The following TULP4 variants were observed in gnomAD, a reference collection of about 807,000 sequenced individuals.
The protein encoded by TULP4 is TUB like protein 4.
TULP4 carries 16 observed loss-of-function variants against 129.0 expected under a neutral mutation model. The observed-to-expected ratio is 0.12, with a 90% CI of 0.08 to 0.19. The LOEUF is 0.19. Among genes scored for constraint, TULP4 ranks in the 10% least tolerant of loss-of-function variants. The probability of loss-of-function intolerance (pLI) is 1.00; values close to 1 mark genes in which losing one functional copy is unlikely to be tolerated. For missense variants in TULP4, 1,842 were observed against 2,059.1 expected (o/e 0.89, Z 2.04); for synonymous variants, 998 against 854.0 (o/e 1.17, Z -2.94).
At chr6:158,393,707 A>G (rs533208842) in intron 1 of TULP4, among the ~76,000 whole-genome samples, 115 of 152,314 alleles carry the variant, frequency 7.6e-4, no homozygotes, top group Non-Finnish European at 9.6e-4. Flanking sequence ...ACAGGGTGCC[A>G]TGTCGTAAGG....
intron 8 of TULP4, among the ~76,000 whole-genome samples, chr6:158,487,911 C>T (rs1162263527): frequency 6.6e-6 from 1 of 152,240 alleles, no homozygotes; most frequent in Non-Finnish European, 1.5e-5. Context: ...AAGCAGGAGG[C>T]AGGACAGATT....
intron 1 of TULP4, among the ~76,000 whole-genome samples, chr6:158,390,146 T>TA (rs1005764622): frequency 4.9e-4 from 74 of 152,080 alleles, no homozygotes; most frequent in African/African-American, 1.8e-3. Flanking sequence ...AAAAAGTATA[T>TA]AAAATGATAT....
At chr6:158,260,561 G>A (rs1778332835) in intron 1 of TULP4, among the ~76,000 whole-genome samples, 1 of 144,954 alleles carries the variant, frequency 6.9e-6, no homozygotes, top group Non-Finnish European at 1.5e-5. Flanking sequence ...GGGCAACAGA[G>A]CGAGACTCTG....
intron 1 of TULP4, among the ~76,000 whole-genome samples, chr6:158,348,488 TA>T (rs1485413671): frequency 1.3e-5 from 2 of 152,152 alleles, no homozygotes; most frequent in African/African-American, 2.4e-5. Context: ...AGCAGGGGGT[TA>T]GGGGTAAGGT....
chr6:158,333,333 CGAA>C (rs987142409), intron 1 of TULP4, among the ~76,000 whole-genome samples: 1 of 152,092 alleles, frequency 6.6e-6, no homozygotes, highest in Non-Finnish European at 1.5e-5. Context: ...AGAGCTTGCG[CGAA>C]GAAGAGGTCA....
chr6:158,365,633 T>C (rs143500414), intron 1 of TULP4, among the ~76,000 whole-genome samples: 3,647 of 147,456 alleles, frequency 0.025, 64 homozygotes, highest in African/African-American at 0.043. Context: ...CCCGCCACCA[T>C]GCCCAGCTAA....
chr6:158,306,857 A>G (rs924822495), intron 1 of TULP4, among the ~76,000 whole-genome samples: 21 of 152,146 alleles, frequency 1.4e-4, no homozygotes, highest in African/African-American at 4.8e-4. Context: ...CTGTCTCTAC[A>G]CACAATACAA....
At chr6:158,465,353 GAAT>G (rs1202430932) in intron 6 of TULP4, among the ~76,000 whole-genome samples, 1 of 152,194 alleles carries the variant, frequency 6.6e-6, no homozygotes, top group African/African-American at 2.4e-5. Flanking sequence ...TTTTAAGGCT[GAAT>G]AATATTTTAT....
At position 158,452,282 on chromosome 6, in the gene TULP4, C is replaced by G; in HGVS notation, c.859+14C>G. On this transcript the variant is annotated intron_variant, in intron 5 of 13. Transcript: ENST00000367097. ...CAGGGCTGAAAGGTACAGAATGCTG[C>G]ACACACCCCAAACCTGCAGACCGGG... The G allele has an allele frequency of 1.2e-6, 2 of 1,613,184 alleles. No homozygotes were observed. The highest frequency in any genetic ancestry group is 8.5e-7 in the Non-Finnish European group (1 of 1,179,548).
At chr6:158,404,987 T>A (rs1777945783) in intron 1 of TULP4, among the ~76,000 whole-genome samples, 2 of 152,016 alleles carry the variant, frequency 1.3e-5, no homozygotes, top group Non-Finnish European at 2.9e-5. Flanking sequence ...GATTTTTAAG[T>A]TAAAAAAAAA....
At chr6:158,361,303 G>T (rs563156154) in intron 1 of TULP4, among the ~76,000 whole-genome samples, 46 of 152,340 alleles carry the variant, frequency 3.0e-4, no homozygotes, top group African/African-American at 1.0e-3. Flanking sequence ...CCTGTTAGCA[G>T]TACCTCCAGA....
At position 158,313,649 on chromosome 6, in the gene TULP4, A is replaced by G; in HGVS notation, c.-368A>G. On this transcript the variant is annotated 5_prime_UTR_variant, in exon 1 of 14. Transcript: ENST00000367097. Reference sequence around the variant, plus strand: ...AACTGGAATCTCAGGCTGAATGAGAATAACCAAGTGGAGTAAAAAGAAGAA... The same window carrying G: ...AACTGGAATCTCAGGCTGAATGAGAGTAACCAAGTGGAGTAAAAAGAAGAA... 1 of 437,530 alleles carries G rather than the reference A, an allele frequency of 2.3e-6. No homozygotes were observed. The highest frequency in any genetic ancestry group is 4.0e-6 in the Non-Finnish European group (1 of 249,902). The allele number at this position is 437,530 out of a possible 1,614,324, so 27.1% of individuals were successfully genotyped here.
intron 1 of TULP4, among the ~76,000 whole-genome samples, chr6:158,345,266 A>C (rs1780274066): frequency 6.6e-6 from 1 of 152,206 alleles, no homozygotes; most frequent in Non-Finnish European, 1.5e-5. Flanking sequence ...TCCCTGCCTT[A>C]GCCTTCCAAG....
intron 3 of TULP4, among the ~76,000 whole-genome samples, chr6:158,437,131 A>T (rs1465619946): frequency 6.6e-6 from 1 of 152,236 alleles, no homozygotes; most frequent in Non-Finnish European, 1.5e-5. Context: ...TTTTTCATAT[A>T]CATGTTTTGC....
At chr6:158,450,830 G>T (rs572454816) in intron 4 of TULP4, among the ~76,000 whole-genome samples, 1 of 152,170 alleles carries the variant, frequency 6.6e-6, no homozygotes, top group East Asian at 1.9e-4. Context: ...GCCGAGGCGG[G>T]TGGATCATGA....
At chr6:158,232,652 G>A (rs767593388) in intron 1 of TULP4, among the ~76,000 whole-genome samples, 3 of 152,174 alleles carry the variant, frequency 2.0e-5, no homozygotes, top group Non-Finnish European at 4.4e-5. Flanking sequence ...GAGGCGTTTG[G>A]CTTGGAGCCA....
chr6:158,262,445 G>C (rs1307676194), intron 1 of TULP4, among the ~76,000 whole-genome samples: 2 of 152,158 alleles, frequency 1.3e-5, no homozygotes, highest in African/African-American at 4.8e-5. Flanking sequence ...ATTCTCAGGG[G>C]TCGTATTCTT....
chr6:158,467,076 C>G (rs919130272), intron 6 of TULP4, among the ~76,000 whole-genome samples: 5 of 152,244 alleles, frequency 3.3e-5, no homozygotes, highest in South Asian at 2.1e-4. Context: ...AACACTCCAC[C>G]TCTTAAATAA....
intron 1 of TULP4, among the ~76,000 whole-genome samples, chr6:158,243,413 A>G (rs556238573): frequency 6.7e-6 from 1 of 149,378 alleles, no homozygotes; most frequent in African/African-American, 2.4e-5. Context: ...ATGTGTGTGT[A>G]TGGGCGTGTA....
Sources: allele counts gnomAD v4.1 joint callset (sites outside exome capture counted in the v4.1 genomes callset), GRCh38; gene constraint gnomAD v4.1.1; transcripts MANE v1.5; gene names NCBI Gene and HGNC (gene_info 2026-07-23, HGNC 2026-07-21).